NSG2: variants seen among roughly 807,000 people sequenced by gnomAD.
NSG2 encodes neuronal vesicle trafficking-associated protein 2.
In NSG2, 4 loss-of-function variants were observed where a neutral mutation model predicts 16.9. That is an observed-to-expected ratio of 0.24 (90% CI 0.12 to 0.54). The LOEUF (loss-of-function observed/expected upper bound fraction) is 0.54. Among genes scored for constraint, NSG2 ranks in the 20% least tolerant of loss-of-function variants. NSG2 has a pLI of 0.95. For missense variants in NSG2, 179 were observed against 221.1 expected (o/e 0.81, Z 1.21); for synonymous variants, 98 against 88.7 (o/e 1.11, Z -0.59).
chr5:174,083,318 A>T (rs890595062), intron 3 of NSG2, among the ~76,000 whole-genome samples: 2 of 152,222 alleles, frequency 1.3e-5, no homozygotes, highest in African/African-American at 4.8e-5. Context: ...CTTGCATGGT[A>T]AAATATGAAT....
chr5:174,106,051 T>A (rs1408933377), intron 4 of NSG2, among the ~76,000 whole-genome samples: 1 of 152,130 alleles, frequency 6.6e-6, no homozygotes. Flanking sequence ...AGAATGCTCA[T>A]TAAGACAGTA....
Position 174,086,871 on chromosome 5 carries a change from G to A in NSG2, c.214-17357G>A, listed in dbSNP as rs144230378. On this transcript the variant is annotated intron_variant, in intron 3 of 4. Coordinates refer to ENST00000303177, the MANE Select transcript of NSG2 (RefSeq NM_015980.5). ...TCGGACCCTCGCTCTTCTTCCTAACGATTATACCACAGCACATTAATTTGG... is the reference window on the plus strand; with the variant it reads ...TCGGACCCTCGCTCTTCTTCCTAACAATTATACCACAGCACATTAATTTGG... Among the ~76,000 whole-genome samples, 40 of 152,246 alleles carry A rather than the reference G, an allele frequency of 2.6e-4. 1 individual carries two copies. Among genetic ancestry groups the A allele is most frequent in the African/African-American group, 9.1e-4 (38 of 41,538 alleles).
chr5:174,103,430 G>C (rs1202479593), intron 3 of NSG2, among the ~76,000 whole-genome samples: 3 of 152,112 alleles, frequency 2.0e-5, no homozygotes, highest in Non-Finnish European at 4.4e-5. Context: ...TTTGAGTTGG[G>C]AGGAGAGCAG....
chr5:174,090,753 G>C (rs919734682), intron 3 of NSG2, among the ~76,000 whole-genome samples: 3 of 152,194 alleles, frequency 2.0e-5, no homozygotes, highest in Non-Finnish European at 2.9e-5. Context: ...TCCTCCTCAT[G>C]GACAAGGTAG....
At position 174,081,887 on chromosome 5, in the gene NSG2, C is replaced by CAA. The variant is rs60742273; in HGVS notation, c.213+17592_213+17593dup. On this transcript the variant is annotated intron_variant, in intron 3 of 4. Coordinates refer to ENST00000303177, the MANE Select transcript of NSG2 (RefSeq NM_015980.5). ...CCTGAGCAGCAGTGAGACTCCGACT[C>CAA]AAAAAAAAAAAAAAAAAAAAAGAGA... Among the ~76,000 whole-genome samples the CAA allele has an allele frequency of 1.4e-3, 94 of 69,374 alleles. 1 individual carries two copies. Among genetic ancestry groups the CAA allele is most frequent in the South Asian group, 2.0e-3 (4 of 1,974 alleles). 45.5% of individuals were successfully genotyped at this position (69,374 alleles called of 152,430 possible).
intron 2 of NSG2, among the ~76,000 whole-genome samples, chr5:174,049,012 G>A (rs999056578): frequency 1.3e-5 from 2 of 152,108 alleles, no homozygotes; most frequent in Non-Finnish European, 2.9e-5. Context: ...AACAAAGTTA[G>A]ATGTGGCATT....
chr5:174,046,622 G>C (rs1182839852), intron 1 of NSG2, 112 bp from the exon 2 acceptor site: 2 of 869,370 alleles, frequency 2.3e-6, no homozygotes. Flanking sequence ...CTGATCACTA[G>C]ATTGAAAGCC....
At chr5:174,065,051 G>A (rs1159513630) in intron 3 of NSG2, among the ~76,000 whole-genome samples, 3 of 152,222 alleles carry the variant, frequency 2.0e-5, no homozygotes, top group South Asian at 2.1e-4. Context: ...AGTGAGGGCC[G>A]GGCACGGCGG....
chr5:174,096,042 T>TA (rs1413000726), intron 3 of NSG2, among the ~76,000 whole-genome samples: 1 of 152,240 alleles, frequency 6.6e-6, no homozygotes, highest in Non-Finnish European at 1.5e-5. Flanking sequence ...TTATGCAACC[T>TA]TTCTGTGCCT....
intron 2 of NSG2, among the ~76,000 whole-genome samples, chr5:174,063,806 G>A (rs1760095918): frequency 6.6e-6 from 1 of 152,088 alleles, no homozygotes; most frequent in African/African-American, 2.4e-5. Flanking sequence ...TAGATCAGTT[G>A]CAGTACACAC....
rs1233121029 is a variant in NSG2, at chr5:174,072,932, C to G, written c.213+8617C>G. On this transcript the variant is annotated intron_variant, in intron 3 of 4. Coordinates refer to ENST00000303177, the MANE Select transcript of NSG2 (RefSeq NM_015980.5). This position sits in a 1 kb window ranked among gnomAD's most constrained non-coding sequence, Gnocchi z 4.0. Reference sequence around the variant, plus strand: ...CCTGGGAGGTTGAGGCTGCAGTGAGCCGGATTGTGCCACTGCACTCCAACC... The same window carrying G: ...CCTGGGAGGTTGAGGCTGCAGTGAGGCGGATTGTGCCACTGCACTCCAACC... 1.3e-5 allele frequency among the ~76,000 whole-genome samples: 2 copies of G among 152,152 alleles called. No homozygotes were observed. Among genetic ancestry groups the G allele is most frequent in the Non-Finnish European group, 2.9e-5 (2 of 68,020 alleles).
chr5:174,068,352 T>G (rs1760178021), intron 3 of NSG2, among the ~76,000 whole-genome samples: 1 of 152,160 alleles, frequency 6.6e-6, no homozygotes, highest in African/African-American at 2.4e-5. Flanking sequence ...CTGCAGTCAT[T>G]GTAAAGGGCC....
intron 2 of NSG2, among the ~76,000 whole-genome samples, chr5:174,061,281 G>T (rs1760046370): frequency 6.6e-6 from 1 of 152,176 alleles, no homozygotes; most frequent in Admixed American, 6.5e-5. Context: ...TAATCTGACA[G>T]TTGATCTAGT....
At chr5:174,077,717 C>T (rs1055915019) in intron 3 of NSG2, among the ~76,000 whole-genome samples, 2 of 152,120 alleles carry the variant, frequency 1.3e-5, no homozygotes, top group African/African-American at 4.8e-5. Flanking sequence ...GTCATCTTTC[C>T]CTCCTTCATG....
intron 3 of NSG2, among the ~76,000 whole-genome samples, chr5:174,094,688 A>T (rs565001115): frequency 1.3e-4 from 20 of 152,318 alleles, no homozygotes; most frequent in African/African-American, 4.8e-4. Flanking sequence ...GGGTCAACTA[A>T]GGATTCTTCC....
At chr5:174,079,530 A>G (rs923957015) in intron 3 of NSG2, among the ~76,000 whole-genome samples, 1 of 152,172 alleles carries the variant, frequency 6.6e-6, no homozygotes, top group African/African-American at 2.4e-5. Context: ...TGCTGGGATT[A>G]CAGGCGTGAG....
intron 3 of NSG2, among the ~76,000 whole-genome samples, chr5:174,081,072 T>A (rs1760456005): frequency 6.6e-6 from 1 of 152,134 alleles, no homozygotes; most frequent in Non-Finnish European, 1.5e-5. Context: ...ATAAAAATGC[T>A]TTTGAATTTT....
At chr5:174,058,366 G>T (rs550807800) in intron 2 of NSG2, among the ~76,000 whole-genome samples, 2 of 152,152 alleles carry the variant, frequency 1.3e-5, no homozygotes, top group Non-Finnish European at 2.9e-5. Context: ...AAAAGGTAGA[G>T]GTTGCAGTGA....
intron 3 of NSG2, among the ~76,000 whole-genome samples, chr5:174,085,792 T>C (rs1760603993): frequency 6.6e-6 from 1 of 152,204 alleles, no homozygotes; most frequent in Non-Finnish European, 1.5e-5. Flanking sequence ...GGCCTAGGTG[T>C]ATTGAGCAAA....
Sources: allele counts gnomAD v4.1 joint callset (sites outside exome capture counted in the v4.1 genomes callset), GRCh38; gene constraint gnomAD v4.1.1; non-coding constraint Gnocchi (gnomAD v3.1); transcripts MANE v1.5; gene names NCBI Gene and HGNC (gene_info 2026-07-23, HGNC 2026-07-21).